USH2A: variants seen among roughly 807,000 people sequenced by gnomAD.
USH2A encodes usherin, also known as Usher syndrome 2A (autosomal recessive, mild).
Under a neutral mutation model 538.9 loss-of-function variants are expected in USH2A, and 443 were observed. The observed-to-expected ratio is 0.82, with a 90% confidence interval of 0.76 to 0.89. The LOEUF (loss-of-function observed/expected upper bound fraction) is 0.89, where lower values mean the gene tolerates loss of function less well. Ranked by LOEUF, USH2A falls within the 40% of genes least tolerant of loss-of-function variation. USH2A has a pLI of 0.00. For synonymous variants in USH2A, 2,413 were observed against 2,273.5 expected, an observed-to-expected ratio of 1.06 and a Z score of -1.75; for missense variants, 6,633 against 6,324.8, an observed-to-expected ratio of 1.05 and a Z score of -1.65.
Position 215,758,670 on chromosome 1 carries a change from G to A in USH2A, c.11314C>T (p.Pro3772Ser). ...DYIVQTPMST[P>S]EEIYPPYNIT... ...TTATATGGAGGATAGATTTCTTCTG[G>A]TGTTGACATAGGTGTTTGAACAATG... The change falls in exon 58 of 72, where the codon CCA becomes TCA. Residue 3772 changes from proline (P) to serine (S), a missense_variant. Coordinates refer to ENST00000307340, the MANE Select transcript of USH2A (RefSeq NM_206933.4). The A allele has an allele frequency of 2.5e-6, 4 of 1,613,624 alleles. No individual in the cohort carries two copies. The highest frequency in any genetic ancestry group is 1.1e-5 in the South Asian group (1 of 91,072).
At chr1:216,379,590 G>A (rs1348093549) in intron 3 of USH2A, among the ~76,000 whole-genome samples, 1 of 152,188 alleles carries the variant, frequency 6.6e-6, no homozygotes, top group East Asian at 1.9e-4. Flanking sequence ...AGGAATCAGT[G>A]TCTAAGTCAT....
chr1:215,813,838 G>T lies in USH2A; in HGVS notation c.9637C>A (p.Pro3213Thr). Residue 3213 changes from proline (P) to threonine (T), a missense_variant, in exon 49 of 72, where the codon CCG (proline) becomes ACG (threonine). Pro to Thr is a conservative substitution (Grantham distance 38). Coordinates refer to ENST00000307340, the MANE Select transcript of USH2A (RefSeq NM_206933.4). The part of the protein sequence containing the change: ...GHRCCEEKYI[P>T]FVLNSTGVCC... ...ACTCCAGTAGAATTCAGAACAAACG[G>T]GATATACTTTTCTTCACAACAGCGA... The T allele has an allele frequency of 6.2e-7, 1 of 1,613,840 alleles. No homozygotes were observed. Among genetic ancestry groups the T allele is most frequent in the Non-Finnish European group, 8.5e-7 (1 of 1,179,856 alleles).
At chr1:216,326,233 C>A (rs1558039249) in intron 5 of USH2A, among the ~76,000 whole-genome samples, 4 of 152,158 alleles carry the variant, frequency 2.6e-5, no homozygotes, top group Non-Finnish European at 4.4e-5. Flanking sequence ...CCATTAGGGG[C>A]AATATACTTG....
intron 50 of USH2A, among the ~76,000 whole-genome samples, chr1:215,791,428 GC>G (rs1239656440): frequency 7.9e-5 from 12 of 152,042 alleles, no homozygotes; most frequent in Admixed American, 7.9e-4. Context: ...GATCAAAAGT[GC>G]TTTTAAAAAA....
At chr1:215,630,865 A>T (rs1001307189) in intron 70 of USH2A, among the ~76,000 whole-genome samples, 18 of 134,428 alleles carry the variant, frequency 1.3e-4, no homozygotes, top group Admixed American at 1.1e-3. Context: ...CAAACAAATT[A>T]AAAAAAAAAA....
At chr1:216,286,476 C>T (rs1453972430) in intron 11 of USH2A, among the ~76,000 whole-genome samples, 1 of 152,064 alleles carries the variant, frequency 6.6e-6, no homozygotes, top group Non-Finnish European at 1.5e-5. Flanking sequence ...TGCCTGTAAT[C>T]CTAGCACTTT....
intron 40 of USH2A, among the ~76,000 whole-genome samples, chr1:215,897,757 GAGAA>G (rs1366153788): frequency 6.6e-6 from 1 of 151,656 alleles, no homozygotes; most frequent in African/African-American, 2.4e-5. Context: ...GAAAGAGAGT[GAGAA>G]AGAAAGAAAG....
chr1:215,749,445 C>T (rs1270577685), intron 58 of USH2A, among the ~76,000 whole-genome samples: 1 of 152,084 alleles, frequency 6.6e-6, no homozygotes, highest in African/African-American at 2.4e-5. Flanking sequence ...ACAGAAAATG[C>T]TCCTCTAAGC....
Position 215,675,457 on chromosome 1 carries a change from C to T in USH2A, c.12454G>A (p.Glu4152Lys). The part of the protein sequence containing the change: ...HSAPQPLWTD[E>K]APPDSQLAPT... ...GCCAGCTGAGAGTCTGGAGGGGCTT[C>T]ATCTGTCCACAGAGGCTGAGGCGCC... Residue 4152 changes from glutamate (E) to lysine (K), a missense_variant, in exon 63 of 72, where the codon GAA becomes AAA. Transcript: ENST00000307340. The T allele has an allele frequency of 6.2e-7, 1 of 1,614,048 alleles. No homozygotes were observed. The highest frequency in any genetic ancestry group is 8.5e-7 in the Non-Finnish European group (1 of 1,179,934).
chr1:215,893,648 TA>T (rs5780863), intron 40 of USH2A, among the ~76,000 whole-genome samples: 1 of 152,114 alleles, frequency 6.6e-6, no homozygotes, highest in South Asian at 2.1e-4. Context: ...AAAGTAAACA[TA>T]AAAAACTTGA....
intron 61 of USH2A, among the ~76,000 whole-genome samples, chr1:215,700,678 T>C (rs1227317964): frequency 6.6e-6 from 1 of 152,172 alleles, no homozygotes; most frequent in Non-Finnish European, 1.5e-5. Flanking sequence ...ATTCACTGTG[T>C]CTATTTGATT....
At chr1:215,938,473 T>C (rs1447209955) in intron 37 of USH2A, among the ~76,000 whole-genome samples, 1 of 152,150 alleles carries the variant, frequency 6.6e-6, no homozygotes, top group Non-Finnish European at 1.5e-5. Flanking sequence ...ATGGTTGTGC[T>C]TTGCCACTTT....
intron 21 of USH2A, among the ~76,000 whole-genome samples, chr1:216,123,013 T>A (rs1437647140): frequency 6.6e-6 from 1 of 152,166 alleles, no homozygotes; most frequent in African/African-American, 2.4e-5. Context: ...AAGAGCAAAC[T>A]TAATGGGTCT....
chr1:216,125,115 A>G lies in USH2A; in HGVS notation c.4628-27902T>C, dbSNP rs142747358. Among the ~76,000 whole-genome samples, 576 of 152,210 alleles carry G rather than the reference A, an allele frequency of 3.8e-3. 5 individuals are homozygous for G. The highest frequency in any genetic ancestry group is 0.013 in the African/African-American group (556 of 41,558). On this transcript the variant is annotated intron_variant, in intron 21 of 71. Coordinates refer to ENST00000307340, the MANE Select transcript of USH2A (RefSeq NM_206933.4). ...TTATACGGTCTTGAATGAGAATTAC[A>G]TTTTTAGATCTTGAACCTTAATATC...
chr1:216,031,994 CAT>C (rs1287114904), intron 32 of USH2A, among the ~76,000 whole-genome samples: 2 of 152,158 alleles, frequency 1.3e-5, no homozygotes, highest in Non-Finnish European at 2.9e-5. Context: ...TGTTGTCACA[CAT>C]GTTACAGAAT....
At chr1:216,123,502 A>G (rs9660325) in intron 21 of USH2A, among the ~76,000 whole-genome samples, 53,376 of 152,066 alleles carry the variant, frequency 0.35, 10,332 homozygotes, top group East Asian at 0.73. Context: ...TTAAAATTCT[A>G]TTAATAACCA....
chr1:215,820,499 A>T (rs1484246368), intron 47 of USH2A, among the ~76,000 whole-genome samples: 1 of 151,730 alleles, frequency 6.6e-6, no homozygotes, highest in African/African-American at 2.4e-5. Flanking sequence ...CCATGTGAGA[A>T]TTTAATACAT....
chr1:216,397,492 T>G (rs966639315), intron 3 of USH2A, among the ~76,000 whole-genome samples: 1 of 152,116 alleles, frequency 6.6e-6, no homozygotes, highest in Non-Finnish European at 1.5e-5. Context: ...TGTAGGTGGG[T>G]ACCATCCAAT....
chr1:215,867,335 T>C (rs550219168), intron 43 of USH2A, among the ~76,000 whole-genome samples, 165 bp from the exon 44 acceptor site: 1 of 152,318 alleles, frequency 6.6e-6, no homozygotes, highest in Non-Finnish European at 1.5e-5. Flanking sequence ...TTTTCCCTCC[T>C]TACACAACAC....
Sources: gnomAD v4.1 joint callset for allele counts (sites outside exome capture counted in the v4.1 genomes callset) on GRCh38, gnomAD v4.1.1 for gene constraint, MANE v1.5 for transcripts, NCBI Gene and HGNC (gene_info 2026-07-23, HGNC 2026-07-21) for gene names.